TLN2: variants seen among roughly 807,000 people sequenced by gnomAD.
The protein encoded by TLN2 is talin 2, also known as talin-2.
TLN2 carries 118 observed loss-of-function variants against 294.7 expected under a neutral mutation model. That is an observed-to-expected ratio of 0.40 (90% CI 0.34 to 0.47). The LOEUF (loss-of-function observed/expected upper bound fraction) is 0.47, where lower values mean the gene tolerates loss of function less well. TLN2 is among the 20% of genes least tolerant of loss of function. The pLI is 0.84. For missense variants in TLN2, 3,083 were observed against 3,282.2 expected (o/e 0.94, Z 1.48); for synonymous variants, 1,431 against 1,304.5 (o/e 1.10, Z -2.09).
chr15:62,622,261 G>A (rs557634826), intron 3 of TLN2, among the ~76,000 whole-genome samples: 4 of 152,278 alleles, frequency 2.6e-5, no homozygotes, highest in African/African-American at 9.6e-5. Context: ...GAGATAATTA[G>A]TAGAACCTTC....
rs571969729 is a variant in TLN2, at chr15:62,652,245, C to T, written c.364+111C>T. ...AGGCAACTTTGAATGTGTCTTAACA[C>T]GCCGAGTTCTGCCTAATCCCCAGAG... On this transcript the variant is annotated intron_variant, in intron 6 of 58. Transcript: ENST00000636159. 3.9e-5 allele frequency: 47 copies of T among 1,202,436 alleles called. No individual in the cohort carries two copies. In the Admixed American group the frequency reaches 5.6e-4, roughly 14 times the overall value. 74.5% of individuals were successfully genotyped at this position (1,202,436 alleles called of 1,614,324 possible). A position where few individuals can be genotyped will look rare whatever the true frequency, so the allele number is the denominator to read the frequency against.
At chr15:62,481,412 C>G (rs2038082936) in intron 1 of TLN2, among the ~76,000 whole-genome samples, 1 of 152,174 alleles carries the variant, frequency 6.6e-6, no homozygotes, top group African/African-American at 2.4e-5. Flanking sequence ...TTTTTTGAGA[C>G]AGGTTTCAAC....
intron 1 of TLN2, among the ~76,000 whole-genome samples, chr15:62,405,120 C>T (rs991111973): frequency 6.6e-6 from 1 of 152,166 alleles, no homozygotes; most frequent in Non-Finnish European, 1.5e-5. Flanking sequence ...AAAGCTGGCA[C>T]CAGAACCCTG....
chr15:62,828,153 C>T (rs1264430794), intron 54 of TLN2: 3 of 152,336 alleles, frequency 2.0e-5, no homozygotes, highest in African/African-American at 7.2e-5. Flanking sequence ...CAAGAGGGAT[C>T]TCACCAGACC....
intron 12 of TLN2, among the ~76,000 whole-genome samples, chr15:62,690,666 G>T (rs1290968569): frequency 2.7e-5 from 4 of 148,522 alleles, no homozygotes; most frequent in Non-Finnish European, 4.4e-5. Flanking sequence ...GCGGGCAGCT[G>T]GGAGGTGGAT....
At chr15:62,566,722 CAA>C (rs1480083426) in intron 1 of TLN2, among the ~76,000 whole-genome samples, 2 of 151,240 alleles carry the variant, frequency 1.3e-5, no homozygotes, top group East Asian at 2.0e-4. Context: ...CTCCTGGACT[CAA>C]GAGATGCTCT....
intron 1 of TLN2, among the ~76,000 whole-genome samples, chr15:62,577,207 G>T (rs925529174): frequency 3.3e-5 from 5 of 152,236 alleles, no homozygotes; most frequent in Non-Finnish European, 5.9e-5. Flanking sequence ...CCTTTGGGAG[G>T]CTGAGGCGGG....
intron 1 of TLN2, among the ~76,000 whole-genome samples, chr15:62,391,120 C>G (rs2032043344): frequency 6.6e-6 from 1 of 152,232 alleles, no homozygotes; most frequent in Admixed American, 6.5e-5. Flanking sequence ...GGCCCCCGCG[C>G]CAGAAGAGTT....
chr15:62,727,108 C>T lies in TLN2; in HGVS notation c.3277C>T (p.Leu1093=). ...GTAGCTGGAAAAATGTGCTCAGGAC[C>T]TGGGAAGCACATCCAAGGCGGTGGG... ...GETLEKCAQD[L]GSTSKAVGSS... The change falls in exon 28 of 59, where the codon CTG becomes TTG. Residue 1093 remains leucine (L), a synonymous_variant. Transcript: ENST00000636159. 6.2e-7 allele frequency: 1 copy of T among 1,614,152 alleles called. No homozygotes were observed. The highest frequency in any genetic ancestry group is 2.2e-5 in the East Asian group (1 of 44,882).
chr15:62,838,709 G>A (rs1032101109), intron 57 of TLN2, 147 bp from the exon 58 acceptor site: 12 of 1,050,200 alleles, frequency 1.1e-5, no homozygotes, highest in Non-Finnish European at 1.5e-5. Flanking sequence ...TGGACAGACA[G>A]ATGGGTACTC....
rs112978416 is a variant in TLN2, at chr15:62,533,212, C to T, written c.-237-56475C>T. On this transcript the variant is annotated intron_variant, in intron 1 of 58. Coordinates refer to ENST00000636159, the MANE Select transcript of TLN2 (RefSeq NM_015059.3). ...GAGGTTACAGTGAGCCGAGATTGTA[C>T]CATTGCACTCCAGCCTCGGTGACAG... 7.0e-3 allele frequency among the ~76,000 whole-genome samples: 975 copies of T among 138,970 alleles called. 9 individuals are homozygous for T. Among genetic ancestry groups the T allele is most frequent in the African/African-American group, 0.025 (927 of 37,346 alleles). The allele number at this position is 138,970 out of a possible 152,430, so 91.2% of individuals were successfully genotyped here.
chr15:62,814,460 A>G (rs902639184), intron 52 of TLN2, among the ~76,000 whole-genome samples: 5 of 151,978 alleles, frequency 3.3e-5, no homozygotes, highest in Admixed American at 2.6e-4. Flanking sequence ...ATAGAATGTT[A>G]AAGAGTGAAA....
intron 19 of TLN2, among the ~76,000 whole-genome samples, chr15:62,706,542 T>C (rs2141115048): frequency 6.6e-6 from 1 of 152,400 alleles, no homozygotes; most frequent in Middle Eastern, 3.4e-3. Context: ...GTGCCAGCTA[T>C]GTGTCTGTGC....
At chr15:62,560,905 G>A (rs1026768328) in intron 1 of TLN2, among the ~76,000 whole-genome samples, 1 of 152,234 alleles carries the variant, frequency 6.6e-6, no homozygotes, top group Non-Finnish European at 1.5e-5. Flanking sequence ...AGGCAACGAG[G>A]GTGCTGCAGA....
intron 19 of TLN2, among the ~76,000 whole-genome samples, chr15:62,704,564 G>T (rs1200277772): frequency 2.0e-5 from 3 of 152,146 alleles, no homozygotes; most frequent in African/African-American, 7.2e-5. Flanking sequence ...ACATGCCTGT[G>T]GCACTGGGCT....
intron 33 of TLN2, 53 bp downstream of exon 33, chr15:62,748,497 G>T (rs1420243825): frequency 7.7e-7 from 1 of 1,290,866 alleles, no homozygotes; most frequent in South Asian, 1.2e-5. Flanking sequence ...GTCTGTGTCT[G>T]TGTGTCTGTG....
chr15:62,752,478 G>A (rs2061990703), intron 35 of TLN2, 51 bp downstream of exon 35: 6 of 1,595,758 alleles, frequency 3.8e-6, no homozygotes, highest in Non-Finnish European at 5.1e-6. Context: ...GATCCCTGTG[G>A]GAGGTGTGGG....
At chr15:62,528,961 C>T (rs1023291741) in intron 1 of TLN2, among the ~76,000 whole-genome samples, 8 of 152,182 alleles carry the variant, frequency 5.3e-5, no homozygotes, top group East Asian at 1.9e-4. Context: ...TTAAAACACA[C>T]ATTGCACTGG....
chr15:62,457,456 G>C (rs981483372), intron 1 of TLN2, among the ~76,000 whole-genome samples: 1 of 152,200 alleles, frequency 6.6e-6, no homozygotes. Flanking sequence ...TTCATAGCAG[G>C]GGTTCTTGGA....
Sources: gnomAD v4.1 joint callset for allele counts (sites outside exome capture counted in the v4.1 genomes callset) on GRCh38, gnomAD v4.1.1 for gene constraint, MANE v1.5 for transcripts, NCBI Gene and HGNC (gene_info 2026-07-23, HGNC 2026-07-21) for gene names.